GPR161: variants seen among roughly 807,000 people sequenced by gnomAD.
The protein encoded by GPR161 is G protein-coupled receptor 161.
GPR161 carries 25 observed loss-of-function variants against 39.2 expected under a neutral mutation model. The ratio of observed to expected loss-of-function variants is 0.64; its 90% CI spans 0.47 to 0.89. The LOEUF (loss-of-function observed/expected upper bound fraction) is 0.89. GPR161 is among the 40% of genes least tolerant of loss of function. The pLI, the probability that GPR161 is intolerant of heterozygous loss-of-function variation, is 0.00. For missense variants in GPR161, 547 were observed against 677.8 expected (o/e 0.81, Z 2.14); for synonymous variants, 286 against 276.6 (o/e 1.03, Z -0.34).
At chr1:168,135,382 C>A (rs981644303) in intron 1 of GPR161, among the ~76,000 whole-genome samples, 4 of 152,152 alleles carry the variant, frequency 2.6e-5, no homozygotes, top group Non-Finnish European at 4.4e-5. Context: ...CTTGTAAGCA[C>A]CTGACAAGTA....
intron 1 of GPR161, among the ~76,000 whole-genome samples, chr1:168,123,363 G>A (rs1474624417): frequency 6.6e-6 from 1 of 152,096 alleles, no homozygotes; most frequent in Admixed American, 6.5e-5. Flanking sequence ...GAGGTTGAGG[G>A]AAGAGGATGG....
chr1:168,103,843 T>C (rs958829431), intron 2 of GPR161, among the ~76,000 whole-genome samples: 7 of 152,324 alleles, frequency 4.6e-5, no homozygotes, highest in South Asian at 2.1e-4. Context: ...CCACAAGACT[T>C]GTACAACTAA....
intron 1 of GPR161, chr1:168,134,866 G>T (rs1233786467): frequency 6.6e-7 from 1 of 1,521,494 alleles, no homozygotes; most frequent in Admixed American, 2.0e-5. Flanking sequence ...CTTCCTGACT[G>T]GTCCCTGCTG....
chr1:168,124,581 G>GCCCA (rs1211058001), intron 1 of GPR161, among the ~76,000 whole-genome samples: 1 of 152,168 alleles, frequency 6.6e-6, no homozygotes, highest in East Asian at 1.9e-4. Context: ...TTGTTAGCTT[G>GCCCA]CCCACAGTCA....
At chr1:168,131,595 T>C (rs12070957) in intron 1 of GPR161, among the ~76,000 whole-genome samples, 5,170 of 152,138 alleles carry the variant, frequency 0.034, 298 homozygotes, top group African/African-American at 0.12. Context: ...AAAATATTTT[T>C]AAATGGAGAA....
intron 1 of GPR161, chr1:168,133,913 GA>G: frequency 1.0e-6 from 1 of 967,144 alleles, no homozygotes; most frequent in Non-Finnish European, 1.2e-6. Flanking sequence ...TGAGCACACT[GA>G]AAAAGACCTA....
chr1:168,109,260 A>G lies in GPR161; in HGVS notation c.-44-4366T>C, dbSNP rs1696910128. Among the ~76,000 whole-genome samples, 4 of 152,244 alleles carry G rather than the reference A, an allele frequency of 2.6e-5. No homozygotes were observed. In the South Asian group the frequency reaches 8.3e-4, roughly 31 times the overall value. ...TGAACATGTTTCTTATTTCAAATGC[A>G]CAGAAAAGCTGGATTAAATATAACC... On this transcript the variant is annotated intron_variant, in intron 1 of 5. Coordinates refer to ENST00000682931, the MANE Select transcript of GPR161 (RefSeq NM_001375883.1).
chr1:168,136,839 TG>T lies in GPR161; in HGVS notation c.-146del, dbSNP rs1699420689. 1.1e-5 allele frequency: 11 copies of T among 982,888 alleles called. No individual in the cohort carries two copies. In the South Asian group the frequency reaches 4.1e-4, roughly 36 times the overall value. 60.9% of individuals were successfully genotyped at this position (982,888 alleles called of 1,614,324 possible). ...CTTCCTCCCCGCCGCGCTCCGGGACTGGAGGTTTCGGGTTTCAGCCCACCGA... is the reference window on the plus strand; with the variant it reads ...CTTCCTCCCCGCCGCGCTCCGGGACTGAGGTTTCGGGTTTCAGCCCACCGA... On this transcript the variant is annotated 5_prime_UTR_variant, in exon 1 of 6. Coordinates refer to ENST00000682931, the MANE Select transcript of GPR161 (RefSeq NM_001375883.1).
intron 3 of GPR161, among the ~76,000 whole-genome samples, chr1:168,094,333 G>A (rs1236971162): frequency 6.6e-6 from 1 of 151,982 alleles, no homozygotes; most frequent in Admixed American, 6.6e-5. Flanking sequence ...ACATTAATCA[G>A]TGAAATGAAG....
intron 1 of GPR161, among the ~76,000 whole-genome samples, chr1:168,131,450 C>A (rs112889557): frequency 0.013 from 2,021 of 152,002 alleles, 39 homozygotes; most frequent in African/African-American, 0.045. Context: ...TCTTCCTCCT[C>A]ACCCACCTGG....
chr1:168,110,649 C>T (rs1257911627), intron 1 of GPR161, among the ~76,000 whole-genome samples: 1 of 151,398 alleles, frequency 6.6e-6, no homozygotes, highest in African/African-American at 2.4e-5. Context: ...AGAAGCCGGG[C>T]GTGGTGACTC....
chr1:168,096,457 C>A, intron 3 of GPR161, 51 bp downstream of exon 3: 1 of 1,570,084 alleles, frequency 6.4e-7, no homozygotes, highest in Non-Finnish European at 8.7e-7. Flanking sequence ...GCTGAGAGGA[C>A]CACAGATTTC....
At chr1:168,117,125 G>C (rs955408631) in intron 1 of GPR161, among the ~76,000 whole-genome samples, 3 of 152,158 alleles carry the variant, frequency 2.0e-5, no homozygotes, top group African/African-American at 7.2e-5. Context: ...AAGGGCATCA[G>C]CAGCAAGTCT....
intron 1 of GPR161, chr1:168,133,955 A>C: frequency 2.7e-6 from 2 of 746,164 alleles, no homozygotes; most frequent in Non-Finnish European, 3.3e-6. Context: ...GGTTATCTCA[A>C]AGGTGGGGAG....
chr1:168,129,815 G>A (rs1698854111), intron 1 of GPR161, among the ~76,000 whole-genome samples: 1 of 152,130 alleles, frequency 6.6e-6, no homozygotes, highest in African/African-American at 2.4e-5. Flanking sequence ...CCCTTACCTG[G>A]CCAACCCAGG....
intron 1 of GPR161, chr1:168,136,232 T>G (rs1241482898): frequency 3.1e-6 from 4 of 1,304,118 alleles, no homozygotes; most frequent in Non-Finnish European, 3.9e-6. Flanking sequence ...GCGCCCTGAG[T>G]CCCGGCTGGG....
chr1:168,097,216 A>G lies in GPR161; in HGVS notation c.391T>C (p.Tyr131His). 1 of 1,613,296 alleles carries G rather than the reference A, an allele frequency of 6.2e-7. No individual in the cohort carries two copies. Among genetic ancestry groups the G allele is most frequent in the South Asian group, 1.1e-5 (1 of 90,998 alleles). The change falls in exon 3 of 6, where the codon TAC becomes CAC. Residue 131 changes from tyrosine to histidine, a missense_variant. Tyr to His is a moderately conservative substitution (Grantham distance 83). Transcript: ENST00000682931. Reference sequence around the variant, plus strand: ...ATCTTCATGGGGTACACCATGGGGTACAGGACAGCATAGTAGCTAGAAAAG... The same window carrying G: ...ATCTTCATGGGGTACACCATGGGGTGCAGGACAGCATAGTAGCTAGAAAAG... ...IAIDRYYAVL[Y>H]PMVYPMKITG...
At position 168,085,169 on chromosome 1, in the gene GPR161, A is replaced by C. The variant is rs1694359779; in HGVS notation, c.*362T>G. ...CCCAGCACACTGTGAAGAGGAGGAA[A>C]TGATGCATGTGGGGGTCTCCTTCCA... On this transcript the variant is annotated 3_prime_UTR_variant, in exon 6 of 6. Transcript: ENST00000682931. 2.2e-6 allele frequency: 1 copy of C among 445,790 alleles called. No homozygotes were observed. The highest frequency in any genetic ancestry group is 2.0e-5 in the African/African-American group (1 of 50,384). The allele number at this position is 445,790 out of a possible 1,614,324, so 27.6% of individuals were successfully genotyped here.
chr1:168,131,233 A>C (rs1698968806), intron 1 of GPR161, among the ~76,000 whole-genome samples: 1 of 148,776 alleles, frequency 6.7e-6, no homozygotes, highest in Non-Finnish European at 1.5e-5. Context: ...TACCCCCCAC[A>C]CCAATCTCTC....
Sources: allele counts gnomAD v4.1 joint callset (sites outside exome capture counted in the v4.1 genomes callset), GRCh38; gene constraint gnomAD v4.1.1; transcripts MANE v1.5; gene names NCBI Gene and HGNC (gene_info 2026-07-23, HGNC 2026-07-21).